HSD17B12: variants seen among roughly 807,000 people sequenced by gnomAD.
HSD17B12 encodes the protein hydroxysteroid 17-beta dehydrogenase 12, also known as very-long-chain 3-oxoacyl-CoA reductase.
A neutral mutation model predicts 39.3 loss-of-function variants in HSD17B12; 32 were observed. The ratio of observed to expected loss-of-function variants is 0.81; its 90% CI spans 0.61 to 1.09. HSD17B12 has a LOEUF of 1.09. Among genes scored for constraint, HSD17B12 ranks in the 50% least tolerant of loss-of-function variants. The probability of loss-of-function intolerance (pLI) is 0.00; values close to 1 mark genes in which losing one functional copy is unlikely to be tolerated. For missense variants in HSD17B12, 342 were observed against 382.9 expected (o/e 0.89, Z 0.89); for synonymous variants, 150 against 146.7 (o/e 1.02, Z -0.16).
intron 4 of HSD17B12, among the ~76,000 whole-genome samples, chr11:43,799,763 A>G (rs543334870): frequency 1.3e-5 from 2 of 152,318 alleles, no homozygotes; most frequent in African/African-American, 4.8e-5. Flanking sequence ...TTCTCATCCT[A>G]TAAAAGAATG....
At chr11:43,582,015 C>A in the HSD17B12 span, among the ~76,000 whole-genome samples, 1 of 152,092 alleles carries the variant, frequency 6.6e-6, no homozygotes, top group Non-Finnish European at 1.5e-5. Context: ...GGAGGTGAGG[C>A]GAGCCGCGGT....
chr11:43,588,840 T>C, the HSD17B12 span, among the ~76,000 whole-genome samples: 48 of 151,940 alleles, frequency 3.2e-4, no homozygotes, highest in East Asian at 7.9e-3. Context: ...TAGAAAAATC[T>C]TTTTCTCTAC....
intron 4 of HSD17B12, among the ~76,000 whole-genome samples, chr11:43,804,676 C>G (rs984312720): frequency 6.6e-6 from 1 of 152,104 alleles, no homozygotes; most frequent in East Asian, 1.9e-4. Context: ...TTTGGGGAAG[C>G]AATTGTGTTG....
the HSD17B12 span, among the ~76,000 whole-genome samples, chr11:43,589,730 G>A: frequency 1.1e-3 from 173 of 152,306 alleles, no homozygotes; most frequent in African/African-American, 3.8e-3. Context: ...TTTAAGGCAA[G>A]AATGATGAAG....
chr11:43,603,272 A>G, the HSD17B12 span, among the ~76,000 whole-genome samples: 1 of 152,184 alleles, frequency 6.6e-6, no homozygotes, highest in Non-Finnish European at 1.5e-5. Context: ...ATGAACATAC[A>G]TCAGTAATGA....
chr11:43,582,771 C>T, the HSD17B12 span, among the ~76,000 whole-genome samples: 349 of 152,280 alleles, frequency 2.3e-3, 2 homozygotes, highest in African/African-American at 7.1e-3. Context: ...CAGAGTCAAT[C>T]TTTTATGGCT....
chr11:43,732,878 C>T lies in HSD17B12; in HGVS notation c.161-18033C>T, dbSNP rs564599035. ...ACCTCAGCCTCCTGGCTCAGGCAAT[C>T]GTCTTGCCTTGGCTTCTCAAAGTGC... is the stretch of plus-strand genomic sequence containing the variant. On this transcript the variant is annotated intron_variant, in intron 1 of 10. Transcript: ENST00000278353. Among the ~76,000 whole-genome samples, 64 of 152,264 alleles carry T rather than the reference C, an allele frequency of 4.2e-4. No homozygotes were observed. In the Middle Eastern group the frequency reaches 0.01, roughly 24 times the overall value.
the HSD17B12 span, among the ~76,000 whole-genome samples, chr11:43,558,319 C>T: frequency 6.6e-6 from 1 of 152,112 alleles, no homozygotes; most frequent in Non-Finnish European, 1.5e-5. Flanking sequence ...ATCCCTTCTC[C>T]CTCCCCCGCG....
At chr11:43,714,295 T>A (rs1950099540) in intron 1 of HSD17B12, among the ~76,000 whole-genome samples, 2 of 152,242 alleles carry the variant, frequency 1.3e-5, no homozygotes. Flanking sequence ...TGAATTAATT[T>A]TTGTATAAGA....
At chr11:43,579,635 G>A in the HSD17B12 span, 1 of 152,304 alleles carries the variant, frequency 6.6e-6, no homozygotes, top group South Asian at 2.1e-4. Flanking sequence ...GCGCCGCGGC[G>A]GCGGCGGGCG....
At chr11:43,557,248 G>A in the HSD17B12 span, among the ~76,000 whole-genome samples, 1 of 152,192 alleles carries the variant, frequency 6.6e-6, no homozygotes, top group South Asian at 2.1e-4. Flanking sequence ...TGGTTTGGGG[G>A]TGGAGGGTGG....
intron 4 of HSD17B12, among the ~76,000 whole-genome samples, chr11:43,801,410 A>T (rs1950966685): frequency 6.6e-6 from 1 of 152,074 alleles, no homozygotes; most frequent in Non-Finnish European, 1.5e-5. Context: ...TCCAAGTGGG[A>T]AGACAGAGAA....
intron 1 of HSD17B12, among the ~76,000 whole-genome samples, chr11:43,732,869 T>C (rs943649524): frequency 2.0e-5 from 3 of 152,322 alleles, no homozygotes; most frequent in Admixed American, 6.5e-5. Context: ...GCCTCCTGGC[T>C]CAGGCAATCG....
At chr11:43,583,692 C>A in the HSD17B12 span, among the ~76,000 whole-genome samples, 1 of 150,564 alleles carries the variant, frequency 6.6e-6, no homozygotes. Flanking sequence ...GGGGGGGGTG[C>A]CTCTATGTAC....
At chr11:43,855,120 ATC>A (rs752660507) in intron 10 of HSD17B12, 22 bp from the exon 11 acceptor site, 2 of 1,432,708 alleles carry the variant, frequency 1.4e-6, no homozygotes, top group South Asian at 2.4e-5. Context: ...ATAATTACAT[ATC>A]TCTCTCATTC....
intron 1 of HSD17B12, among the ~76,000 whole-genome samples, chr11:43,704,775 T>C (rs1364671030): frequency 6.6e-6 from 1 of 152,138 alleles, no homozygotes; most frequent in Non-Finnish European, 1.5e-5. Context: ...GGTGTTATTA[T>C]GTGAGGATGG....
chr11:43,563,757 G>A, the HSD17B12 span, among the ~76,000 whole-genome samples: 1 of 152,208 alleles, frequency 6.6e-6, no homozygotes, highest in Non-Finnish European at 1.5e-5. Flanking sequence ...ATTCGAGCTT[G>A]CAGTGAGCTA....
chr11:43,736,898 A>G (rs775085878), intron 1 of HSD17B12, among the ~76,000 whole-genome samples: 34 of 152,176 alleles, frequency 2.2e-4, no homozygotes, highest in Non-Finnish European at 4.6e-4. Flanking sequence ...ATCAGTTGAG[A>G]CTGCTATTTT....
intron 1 of HSD17B12, among the ~76,000 whole-genome samples, chr11:43,749,768 C>A (rs1950448238): frequency 6.6e-6 from 1 of 151,570 alleles, no homozygotes; most frequent in African/African-American, 2.4e-5. Flanking sequence ...AAATTAGGGA[C>A]CATCTTGTAT....
Sources: allele counts gnomAD v4.1 joint callset (sites outside exome capture counted in the v4.1 genomes callset), GRCh38; gene constraint gnomAD v4.1.1; transcripts MANE v1.5; gene names NCBI Gene and HGNC (gene_info 2026-07-23, HGNC 2026-07-21).